Variants in XKR4 observed in about 807,000 individuals in gnomAD.
The protein encoded by XKR4 is XK related 4, also known as XK-related protein 4.
In XKR4, 12 loss-of-function variants were observed where a neutral mutation model predicts 53.9. The ratio of observed to expected loss-of-function variants is 0.22; its 90% CI spans 0.14 to 0.36. The LOEUF is 0.36. Ranked by LOEUF, XKR4 falls within the 10% of genes least tolerant of loss-of-function variation. The pLI is 1.00. For missense variants in XKR4, 799 were observed against 859.5 expected (o/e 0.93, Z 0.88); for synonymous variants, 354 against 362.4 (o/e 0.98, Z 0.26).
chr8:55,480,758 A>G (rs907469510), intron 2 of XKR4, among the ~76,000 whole-genome samples: 4 of 127,954 alleles, frequency 3.1e-5, no homozygotes, highest in Admixed American at 2.1e-4. Context: ...TACACCAAAA[A>G]CAGACAGAGA....
chr8:55,418,890 CT>C (rs11302035), intron 2 of XKR4, among the ~76,000 whole-genome samples: 16,408 of 145,654 alleles, frequency 0.11, 2,124 homozygotes, highest in African/African-American at 0.32. Context: ...ATTTGCCCTG[CT>C]TTTTTTTTTT....
chr8:55,470,864 G>A (rs974629926), intron 2 of XKR4, among the ~76,000 whole-genome samples: 10 of 152,048 alleles, frequency 6.6e-5, no homozygotes, highest in African/African-American at 2.4e-4. Flanking sequence ...AAGCAACATG[G>A]CTATTAAATA....
intron 2 of XKR4, among the ~76,000 whole-genome samples, chr8:55,408,460 C>G (rs1228107913): frequency 6.6e-6 from 1 of 152,158 alleles, no homozygotes; most frequent in Non-Finnish European, 1.5e-5. Context: ...AGATGTGGCC[C>G]AGGGAACCGC....
At position 55,452,432 on chromosome 8, in the gene XKR4, C is replaced by T. The variant is rs899897398; in HGVS notation, c.1007-70849C>T. ...CCTCAGCTGGGAGCAGTGCTGGCCA[C>T]CCCGCACTGCCCGCCCTCGCACCCT... On this transcript the variant is annotated intron_variant, in intron 2 of 2. Coordinates refer to ENST00000327381, the MANE Select transcript of XKR4 (RefSeq NM_052898.2). 42 of 623,464 alleles carry T rather than the reference C, an allele frequency of 6.7e-5. No homozygotes were observed. The East Asian group carries it at 1.2e-3, about 18-fold the overall frequency. 38.6% of individuals were successfully genotyped at this position (623,464 alleles called of 1,614,324 possible).
chr8:55,289,695 G>GAAAGAGAA (rs778422703), intron 1 of XKR4, among the ~76,000 whole-genome samples: 1 of 87,700 alleles, frequency 1.1e-5, no homozygotes, highest in African/African-American at 3.3e-5. Context: ...AAGAAAGAAA[G>GAAAGAGAA]AGAAAGAAAG....
At chr8:55,285,035 G>A (rs1818890727) in intron 1 of XKR4, among the ~76,000 whole-genome samples, 1 of 152,142 alleles carries the variant, frequency 6.6e-6, no homozygotes, top group Non-Finnish European at 1.5e-5. Context: ...GATTGATCCT[G>A]TTAAAAACCA....
chr8:55,189,010 G>A (rs1345638600), intron 1 of XKR4, among the ~76,000 whole-genome samples: 1 of 152,096 alleles, frequency 6.6e-6, no homozygotes, highest in Non-Finnish European at 1.5e-5. Flanking sequence ...CATCTAGATC[G>A]GGAACTAGAA....
intron 2 of XKR4, among the ~76,000 whole-genome samples, chr8:55,411,977 T>A (rs1168481323): frequency 6.6e-6 from 1 of 152,206 alleles, no homozygotes; most frequent in Non-Finnish European, 1.5e-5. Flanking sequence ...CCCAAAATCA[T>A]GTATGGAAAC....
intron 1 of XKR4, among the ~76,000 whole-genome samples, chr8:55,278,425 G>A (rs751479737): frequency 6.7e-6 from 1 of 150,048 alleles, no homozygotes; most frequent in African/African-American, 2.5e-5. Flanking sequence ...CCTCTAATAT[G>A]TTGCTATAAT....
intron 2 of XKR4, among the ~76,000 whole-genome samples, chr8:55,392,545 C>T (rs1804457930): frequency 1.3e-5 from 2 of 152,192 alleles, no homozygotes; most frequent in East Asian, 1.9e-4. Context: ...AATCCCAGCA[C>T]TTTGGGAGGC....
chr8:55,125,230 CT>C (rs1329114807), intron 1 of XKR4, among the ~76,000 whole-genome samples: 1 of 151,954 alleles, frequency 6.6e-6, no homozygotes, highest in East Asian at 1.9e-4. Flanking sequence ...TTTTTCTTTT[CT>C]TTTTTCTTTT....
chr8:55,206,872 G>A (rs911838610), intron 1 of XKR4, among the ~76,000 whole-genome samples: 2 of 152,168 alleles, frequency 1.3e-5, no homozygotes, highest in Non-Finnish European at 2.9e-5. Flanking sequence ...AGATGCCAAG[G>A]CTTAGAATTA....
Position 55,534,738 on chromosome 8 carries a change from T to A in XKR4, c.*10511T>A, listed in dbSNP as rs1460038402. The A allele has an allele frequency of 6.6e-6, 1 of 151,182 alleles. No individual in the cohort carries two copies. The highest frequency in any genetic ancestry group is 6.6e-5 in the Admixed American group (1 of 15,198). The allele number at this position is 151,182 out of a possible 1,614,324, so 9.4% of individuals were successfully genotyped here. On this transcript the variant is annotated 3_prime_UTR_variant, in exon 3 of 3. Coordinates refer to ENST00000327381, the MANE Select transcript of XKR4 (RefSeq NM_052898.2). ...ACAGATCATCTCTTAATTTAATACA[T>A]GGTTCTTTCTCCCTTGCTTCTGGGT...
intron 1 of XKR4, among the ~76,000 whole-genome samples, chr8:55,340,673 A>C (rs141537945): frequency 2.6e-4 from 39 of 152,176 alleles, no homozygotes; most frequent in African/African-American, 9.1e-4. Flanking sequence ...ATTAGGGATC[A>C]CTCCTCGGCA....
At chr8:55,498,007 G>A (rs568489225) in intron 2 of XKR4, among the ~76,000 whole-genome samples, 2 of 152,336 alleles carry the variant, frequency 1.3e-5, no homozygotes, top group African/African-American at 4.8e-5. Flanking sequence ...TGGCCCCGAG[G>A]ATTAGGGAGG....
intron 2 of XKR4, among the ~76,000 whole-genome samples, chr8:55,479,286 C>T (rs938078044): frequency 3.3e-5 from 5 of 152,068 alleles, no homozygotes; most frequent in Non-Finnish European, 7.3e-5. Context: ...GAATAACCTG[C>T]TCCTGAATGA....
At chr8:55,386,866 T>G (rs1804325844) in intron 2 of XKR4, among the ~76,000 whole-genome samples, 1 of 152,230 alleles carries the variant, frequency 6.6e-6, no homozygotes, top group South Asian at 2.1e-4. Flanking sequence ...ATTATGTATC[T>G]TAGTCCCTCA....
intron 2 of XKR4, among the ~76,000 whole-genome samples, chr8:55,518,552 C>T (rs956891579): frequency 6.6e-6 from 1 of 152,164 alleles, no homozygotes; most frequent in African/African-American, 2.4e-5. Context: ...AAAGTGGGAT[C>T]CATGCTCTTA....
At chr8:55,405,602 TG>T (rs1804669325) in intron 2 of XKR4, among the ~76,000 whole-genome samples, 1 of 152,210 alleles carries the variant, frequency 6.6e-6, no homozygotes, top group Admixed American at 6.5e-5. Flanking sequence ...CCTGATTAGC[TG>T]GTGAGGAATC....
Sources: allele counts gnomAD v4.1 joint callset (sites outside exome capture counted in the v4.1 genomes callset), GRCh38; gene constraint gnomAD v4.1.1; transcripts MANE v1.5; gene names NCBI Gene and HGNC (gene_info 2026-07-23, HGNC 2026-07-21).